Variants in PPP2R3A observed in about 807,000 individuals in gnomAD.
PPP2R3A encodes the protein protein phosphatase 2 regulatory subunit B''alpha, also known as serine/threonine-protein phosphatase 2A regulatory subunit B'' subunit alpha.
Under a neutral mutation model 106.9 loss-of-function variants are expected in PPP2R3A, and 80 were observed. The ratio of observed to expected loss-of-function variants is 0.75; its 90% CI spans 0.62 to 0.90. The LOEUF is 0.90. Among genes scored for constraint, PPP2R3A ranks in the 40% least tolerant of loss-of-function variants. The pLI, the probability that PPP2R3A is intolerant of heterozygous loss-of-function variation, is 0.00. For synonymous variants in PPP2R3A, 483 were observed against 468.3 expected (o/e 1.03, Z -0.41); for missense variants, 1,386 against 1,350.4 (o/e 1.03, Z -0.41).
At chr3:135,982,957 A>G (rs1019248011) in intron 1 of PPP2R3A, among the ~76,000 whole-genome samples, 1 of 152,180 alleles carries the variant, frequency 6.6e-6, no homozygotes, top group African/African-American at 2.4e-5. Flanking sequence ...CATTTGTCTT[A>G]CAGACAGATG....
At chr3:136,127,883 T>A (rs1342326627) in intron 13 of PPP2R3A, among the ~76,000 whole-genome samples, 1 of 152,172 alleles carries the variant, frequency 6.6e-6, no homozygotes, top group Non-Finnish European at 1.5e-5. Context: ...AAAAGAATTT[T>A]CAACCCAGAA....
intron 11 of PPP2R3A, among the ~76,000 whole-genome samples, 160 bp downstream of exon 11, chr3:136,102,342 CTTTTTTTTTTT>C (rs397874378): frequency 8.6e-6 from 1 of 116,034 alleles, no homozygotes; most frequent in South Asian, 2.8e-4. Context: ...AGTGTAGCAA[CTTTTTTTTTTT>C]TTTTTTTTTT....
chr3:136,001,801 T>C lies in PPP2R3A; in HGVS notation c.303T>C (p.Ser101=). ...FTGIPRVKRG[S]TFQNTYNLKD... is the part of the protein sequence containing the mutation. Reference sequence around the variant, plus strand: ...GCATACCCAGGGTCAAGAGAGGATCTACATTTCAGAATACCTACAACTTAA... The same window carrying C: ...GCATACCCAGGGTCAAGAGAGGATCCACATTTCAGAATACCTACAACTTAA... The change falls in exon 2 of 14, where the codon TCT becomes TCC. Residue 101 remains serine, a synonymous_variant. Transcript: ENST00000264977. 2 of 1,614,194 alleles carry C rather than the reference T, an allele frequency of 1.2e-6. No individual in the cohort carries two copies. Among genetic ancestry groups the C allele is most frequent in the Non-Finnish European group, 8.5e-7 (1 of 1,180,032 alleles).
chr3:136,003,346 A>G lies in PPP2R3A; in HGVS notation c.1848A>G (p.Ser616=). The change falls in exon 2 of 14, where the codon TCA becomes TCG. Residue 616 remains serine (S), a synonymous_variant. Transcript: ENST00000264977. The part of the protein sequence containing the change: ...VECKSSRGSL[S]QEKEMMQILQ... ...GCAAATCAAGCAGAGGGAGCCTATC[A>G]CAAGAAAAGGAAATGATGCAAATTC... The G allele has an allele frequency of 1.2e-6, 2 of 1,614,024 alleles. No homozygotes were observed. Among genetic ancestry groups the G allele is most frequent in the Non-Finnish European group, 1.7e-6 (2 of 1,179,958 alleles).
chr3:136,051,303 G>A (rs1935677146), intron 5 of PPP2R3A, among the ~76,000 whole-genome samples: 1 of 152,090 alleles, frequency 6.6e-6, no homozygotes, highest in African/African-American at 2.4e-5. Context: ...GTTTTTTTAA[G>A]TTGTATTCAT....
intron 13 of PPP2R3A, among the ~76,000 whole-genome samples, chr3:136,111,794 T>G (rs188478168): frequency 6.6e-6 from 1 of 152,276 alleles, no homozygotes; most frequent in South Asian, 2.1e-4. Context: ...CTCTAACTCA[T>G]TCTGTGAGGA....
intron 1 of PPP2R3A, among the ~76,000 whole-genome samples, chr3:135,975,020 C>T (rs1937375136): frequency 6.6e-6 from 1 of 152,172 alleles, no homozygotes; most frequent in South Asian, 2.1e-4. Flanking sequence ...TGATGTGCTC[C>T]TACCAATGCC....
chr3:136,146,829 AG>A lies in PPP2R3A; in HGVS notation c.*1666del, dbSNP rs1366376586. The A allele has an allele frequency of 3.9e-5, 6 of 152,008 alleles. No individual in the cohort carries two copies. Among genetic ancestry groups the A allele is most frequent in the African/African-American group, 1.5e-4 (6 of 41,370 alleles). 9.4% of individuals were successfully genotyped at this position (152,008 alleles called of 1,614,324 possible). ...CCTACCAATCCATCCAGCCTTTACC[AG>A]GGAAGAAAAGCAATTATTTCATTTC... On this transcript the variant is annotated 3_prime_UTR_variant, in exon 14 of 14. Coordinates refer to ENST00000264977, the MANE Select transcript of PPP2R3A (RefSeq NM_002718.5).
At chr3:136,053,946 T>A (rs982620834) in intron 5 of PPP2R3A, among the ~76,000 whole-genome samples, 1 of 152,130 alleles carries the variant, frequency 6.6e-6, no homozygotes, top group African/African-American at 2.4e-5. Flanking sequence ...ATGATCATCA[T>A]TAAAGAAAAA....
chr3:136,003,575 G>T, intron 2 of PPP2R3A, 82 bp downstream of exon 2: 1 of 1,342,740 alleles, frequency 7.4e-7, no homozygotes, highest in Non-Finnish European at 1.0e-6. Flanking sequence ...AAACTTTTTT[G>T]TTAGCCATTT....
chr3:136,013,675 G>A (rs1475893606), intron 2 of PPP2R3A, among the ~76,000 whole-genome samples: 1 of 151,950 alleles, frequency 6.6e-6, no homozygotes, highest in South Asian at 2.1e-4. Context: ...TCTTATTTGT[G>A]TCCTTAGCCC....
At chr3:135,997,857 A>G (rs960385755) in intron 1 of PPP2R3A, among the ~76,000 whole-genome samples, 2 of 152,160 alleles carry the variant, frequency 1.3e-5, no homozygotes, top group Non-Finnish European at 2.9e-5. Context: ...CACTTCTTGC[A>G]TGGATTATTA....
chr3:136,041,264 T>TTTG, intron 4 of PPP2R3A, among the ~76,000 whole-genome samples: 1 of 80,516 alleles, frequency 1.2e-5, no homozygotes, highest in African/African-American at 3.8e-5. Flanking sequence ...TTTTTTTTGT[T>TTTG]TTTTTTTTTT....
intron 3 of PPP2R3A, among the ~76,000 whole-genome samples, chr3:136,036,084 T>A (rs961257622): frequency 1.3e-5 from 2 of 152,116 alleles, no homozygotes; most frequent in African/African-American, 4.8e-5. Flanking sequence ...TTGATTGTTT[T>A]TTATTTATGC....
At chr3:136,022,919 G>A in intron 2 of PPP2R3A, 1 of 1,449,966 alleles carries the variant, frequency 6.9e-7, no homozygotes, top group Non-Finnish European at 9.0e-7. Context: ...GTGGTCTGTG[G>A]AGGCTGGGAG....
chr3:136,137,667 G>C (rs947252864), intron 13 of PPP2R3A, among the ~76,000 whole-genome samples: 1 of 150,214 alleles, frequency 6.7e-6, no homozygotes, highest in Non-Finnish European at 1.5e-5. Flanking sequence ...TCAGCCTACC[G>C]AGTAGCTGGG....
chr3:136,088,969 A>G (rs1937027104), intron 9 of PPP2R3A, among the ~76,000 whole-genome samples: 1 of 152,082 alleles, frequency 6.6e-6, no homozygotes, highest in African/African-American at 2.4e-5. Context: ...TTCGATATAG[A>G]GTCTGGATAT....
chr3:136,082,133 A>G (rs1428604133), intron 7 of PPP2R3A, 132 bp from the exon 8 acceptor site: 2 of 676,886 alleles, frequency 3.0e-6, no homozygotes, highest in East Asian at 2.8e-5. Flanking sequence ...GAGGTTGCCT[A>G]TTAAAGGGTT....
At chr3:136,004,534 GCA>G (rs982866076) in intron 2 of PPP2R3A, among the ~76,000 whole-genome samples, 6 of 152,146 alleles carry the variant, frequency 3.9e-5, no homozygotes, top group African/African-American at 1.4e-4. Flanking sequence ...ACATAGAAAA[GCA>G]CATGGAATAT....
Sources: allele counts gnomAD v4.1 joint callset (sites outside exome capture counted in the v4.1 genomes callset), GRCh38; gene constraint gnomAD v4.1.1; transcripts MANE v1.5; gene names NCBI Gene and HGNC (gene_info 2026-07-23, HGNC 2026-07-21).